UEVLD: variants seen among roughly 807,000 people sequenced by gnomAD.
The protein encoded by UEVLD is ubiquitin-conjugating enzyme E2 variant 3.
Under a neutral mutation model 58.6 loss-of-function variants are expected in UEVLD, and 47 were observed. The observed-to-expected ratio is 0.80, with a 90% confidence interval of 0.63 to 1.02. The LOEUF is 1.02. Ranked by LOEUF, UEVLD falls within the 50% of genes least tolerant of loss-of-function variation. The pLI, the probability that UEVLD is intolerant of heterozygous loss-of-function variation, is 0.00. For synonymous variants in UEVLD, 197 were observed against 195.3 expected, an observed-to-expected ratio of 1.01 and a Z score of -0.07; for missense variants, 510 against 550.6, an observed-to-expected ratio of 0.93 and a Z score of 0.74.
In UEVLD at chr11:18,564,578, T is replaced by A. The variant is rs1020962956; in HGVS notation, c.612+314A>T. Among the ~76,000 whole-genome samples, 14 of 152,032 alleles carry A rather than the reference T, an allele frequency of 9.2e-5. 1 individual carries two copies. Among genetic ancestry groups the A allele is most frequent in the Admixed American group, 5.9e-4 (9 of 15,260 alleles). ...TTAGAAAGAGCTAAAATTACTACAT[T>A]AAATGAGTTTAATTAAAGTGGCATG... On this transcript the variant is annotated intron_variant, in intron 6 of 11. Transcript: ENST00000396197.
chr11:18,562,617 G>C (rs1852095833), intron 6 of UEVLD, among the ~76,000 whole-genome samples: 1 of 151,986 alleles, frequency 6.6e-6, no homozygotes, highest in African/African-American at 2.4e-5. Flanking sequence ...CAAACTCCTG[G>C]GCTCAACTGA....
At chr11:18,558,412 C>T in intron 6 of UEVLD, 82 bp from the exon 7 acceptor site, 1 of 858,874 alleles carries the variant, frequency 1.2e-6, no homozygotes, top group Non-Finnish European at 1.8e-6. Flanking sequence ...GACTAAAGGA[C>T]AATAAACAGG....
chr11:18,538,474 C>T (rs375373089), intron 9 of UEVLD, among the ~76,000 whole-genome samples: 7 of 151,624 alleles, frequency 4.6e-5, no homozygotes, highest in South Asian at 4.2e-4. Context: ...CCCCCACGCC[C>T]GGGTAATTTT....
chr11:18,558,759 G>A (rs952587848), intron 6 of UEVLD, among the ~76,000 whole-genome samples: 3 of 150,998 alleles, frequency 2.0e-5, no homozygotes, highest in African/African-American at 7.3e-5. Flanking sequence ...CTCCAGCCTG[G>A]GCGATAGAGC....
chr11:18,561,855 C>T (rs542656694), intron 6 of UEVLD, among the ~76,000 whole-genome samples: 19 of 149,802 alleles, frequency 1.3e-4, no homozygotes, highest in African/African-American at 3.0e-4. Context: ...AAAAAGTTTG[C>T]GCCACTGCAC....
At chr11:18,582,400 A>G (rs1853290025) in intron 1 of UEVLD, among the ~76,000 whole-genome samples, 1 of 133,914 alleles carries the variant, frequency 7.5e-6, no homozygotes, top group Non-Finnish European at 1.6e-5. Context: ...CAAGGAAAAT[A>G]TTAGCTTTTT....
chr11:18,552,061 T>C (rs1385423709), intron 7 of UEVLD, among the ~76,000 whole-genome samples: 1 of 152,212 alleles, frequency 6.6e-6, no homozygotes, highest in African/African-American at 2.4e-5. Flanking sequence ...AGTCTGAATA[T>C]ACTGAAGACA....
At chr11:18,570,094 C>T in intron 4 of UEVLD, 120 bp downstream of exon 4, 1 of 1,108,284 alleles carries the variant, frequency 9.0e-7, no homozygotes, top group Non-Finnish European at 1.2e-6. Context: ...CTTCCAAAGA[C>T]TACATGAAGA....
At position 18,564,953 on chromosome 11, in the gene UEVLD, T is replaced by G. The variant is rs1355164623; in HGVS notation, c.551A>C (p.Lys184Thr). Reference sequence around the variant, plus strand: ...TTCTCCACCTCCAACCACAGTAATTTTATTGACTGTTTTATTCTCATGATT... The same window carrying G: ...TTCTCCACCTCCAACCACAGTAATTGTATTGACTGTTTTATTCTCATGATT... Reference protein sequence around the residue: ...WANHENKTVNKITVVGGGELG... With the variant: ...WANHENKTVNTITVVGGGELG... The change falls in exon 6 of 12, where the codon AAA (lysine) becomes ACA (threonine). Residue 184 changes from lysine (K) to threonine (T), a missense_variant. Lys to Thr is a moderately conservative substitution (Grantham distance 78). Coordinates refer to ENST00000396197, the MANE Select transcript of UEVLD (RefSeq NM_001040697.4). The G allele has an allele frequency of 6.2e-7, 1 of 1,613,812 alleles. No individual in the cohort carries two copies. The highest frequency in any genetic ancestry group is 1.3e-5 in the African/African-American group (1 of 74,920).
chr11:18,583,759 T>G (rs1853392784), intron 1 of UEVLD, among the ~76,000 whole-genome samples: 1 of 150,458 alleles, frequency 6.6e-6, no homozygotes, highest in South Asian at 2.1e-4. Flanking sequence ...CTGCCCAGGT[T>G]CAAGCGATTG....
chr11:18,586,340 G>C (rs1026986146), intron 1 of UEVLD, among the ~76,000 whole-genome samples: 5 of 151,880 alleles, frequency 3.3e-5, no homozygotes, highest in African/African-American at 1.2e-4. Flanking sequence ...TCAGCCTCCC[G>C]AGTAGATGGG....
chr11:18,531,796 G>A lies in UEVLD; in HGVS notation c.*524C>T, dbSNP rs1565101856. On this transcript the variant is annotated 3_prime_UTR_variant, in exon 12 of 12. Transcript: ENST00000396197. ...AAAATTCTTTTCCATTTTTTGGTAGGTAATTAATTTGAAGAAGGGAAATAC... is the reference window on the plus strand; with the variant it reads ...AAAATTCTTTTCCATTTTTTGGTAGATAATTAATTTGAAGAAGGGAAATAC... The A allele has an allele frequency of 6.6e-6, 1 of 152,008 alleles. No individual in the cohort carries two copies. The highest frequency in any genetic ancestry group is 1.5e-5 in the Non-Finnish European group (1 of 68,002). The allele number at this position is 152,008 out of a possible 1,614,324, so 9.4% of individuals were successfully genotyped here. A position where few individuals can be genotyped will look rare whatever the true frequency, so the allele number is the denominator to read the frequency against.
chr11:18,561,827 G>A (rs1364707185), intron 6 of UEVLD, among the ~76,000 whole-genome samples: 12 of 139,066 alleles, frequency 8.6e-5, no homozygotes, highest in Non-Finnish European at 1.5e-4. Flanking sequence ...GCGAGACTTC[G>A]TCTCAAAAAA....
At chr11:18,566,553 G>T (rs1185628099) in intron 4 of UEVLD, 71 bp from the exon 5 acceptor site, 1 of 1,527,932 alleles carries the variant, frequency 6.5e-7, no homozygotes, top group Admixed American at 1.9e-5. Flanking sequence ...TGTTGAGGCA[G>T]GAGTATTACT....
At position 18,529,770 on chromosome 11, in the gene UEVLD, T is replaced by C. The variant is rs1850492752; in HGVS notation, c.*2550A>G. On this transcript the variant is annotated 3_prime_UTR_variant, in exon 12 of 12. Coordinates refer to ENST00000396197, the MANE Select transcript of UEVLD (RefSeq NM_001040697.4). The stretch of plus-strand genomic sequence containing the variant: ...GCATGATTTCATAAAAATGAAAACA[T>C]GAAAGTTAACAAGCATTGAAAATGC... 6.6e-6 allele frequency: 1 copy of C among 152,188 alleles called. No individual in the cohort carries two copies. The highest frequency in any genetic ancestry group is 6.5e-5 in the Admixed American group (1 of 15,272). 9.4% of individuals were successfully genotyped at this position (152,188 alleles called of 1,614,324 possible).
intron 10 of UEVLD, among the ~76,000 whole-genome samples, chr11:18,536,198 G>A (rs1850787829): frequency 6.6e-6 from 1 of 152,168 alleles, no homozygotes; most frequent in African/African-American, 2.4e-5. Context: ...TGTCAACTGT[G>A]TTATCTGAAA....
At chr11:18,532,565 T>A in intron 11 of UEVLD, 78 bp from the exon 12 acceptor site, 1 of 1,225,266 alleles carries the variant, frequency 8.2e-7, no homozygotes, top group Non-Finnish European at 1.1e-6. Context: ...ACTTTCTTGC[T>A]TTCTTAACTA....
intron 3 of UEVLD, among the ~76,000 whole-genome samples, chr11:18,574,987 G>A (rs1256144904): frequency 1.3e-5 from 2 of 152,170 alleles, no homozygotes; most frequent in Non-Finnish European, 2.9e-5. Context: ...TAGGGGGTTT[G>A]TGATAATCCA....
intron 3 of UEVLD, among the ~76,000 whole-genome samples, chr11:18,572,063 C>T (rs1852649311): frequency 6.6e-6 from 1 of 151,796 alleles, no homozygotes; most frequent in Non-Finnish European, 1.5e-5. Context: ...GGTGAAACCC[C>T]ATCTCTACTA....
Sources: gnomAD v4.1 joint callset for allele counts (sites outside exome capture counted in the v4.1 genomes callset) on GRCh38, gnomAD v4.1.1 for gene constraint, MANE v1.5 for transcripts, NCBI Gene and HGNC (gene_info 2026-07-23, HGNC 2026-07-21) for gene names.